Variants in XPO5 observed in about 807,000 individuals in gnomAD.
The protein encoded by XPO5 is exportin-5.
Under a neutral mutation model 160.6 loss-of-function variants are expected in XPO5, and 46 were observed. The observed-to-expected ratio is 0.29, with a 90% confidence interval of 0.23 to 0.37. XPO5 has a LOEUF of 0.37. Among genes scored for constraint, XPO5 ranks in the 10% least tolerant of loss-of-function variants. The pLI, the probability that XPO5 is intolerant of heterozygous loss-of-function variation, is 1.00. For synonymous variants in XPO5, 537 were observed against 519.3 expected (o/e 1.03, Z -0.46); for missense variants, 1,090 against 1,463.9 (o/e 0.74, Z 4.17).
At chr6:43,525,085 G>A (rs1306498981) in intron 29 of XPO5, 22 bp downstream of exon 29, 2 of 1,568,656 alleles carry the variant, frequency 1.3e-6, no homozygotes, top group East Asian at 2.4e-5. Context: ...GAGGGGCAGG[G>A]AAAAGGGGTG....
intron 1 of XPO5, 116 bp downstream of exon 1, chr6:43,575,644 A>G (rs1235056852): frequency 2.2e-6 from 2 of 900,422 alleles, no homozygotes; most frequent in Non-Finnish European, 3.4e-6. Context: ...GGGAGTTGGG[A>G]AAGGAGGTCC....
intron 20 of XPO5, among the ~76,000 whole-genome samples, chr6:43,536,760 A>T (rs1794351440): frequency 9.9e-5 from 6 of 60,726 alleles, no homozygotes; most frequent in East Asian, 1.1e-3. Context: ...ACTCTATCTA[A>T]AAAAAAAAAA....
At chr6:43,572,384 T>A in intron 3 of XPO5, 122 bp downstream of exon 3, 1 of 957,080 alleles carries the variant, frequency 1.0e-6, no homozygotes, top group Non-Finnish European at 1.6e-6. Flanking sequence ...GCCTAAATTA[T>A]GATTTCTTGT....
At chr6:43,568,647 G>A in intron 6 of XPO5, 64 bp downstream of exon 6, 4 of 1,386,098 alleles carry the variant, frequency 2.9e-6, no homozygotes, top group Non-Finnish European at 2.0e-6. Flanking sequence ...CATCCACTAG[G>A]GGCACGTATC....
chr6:43,539,166 CGG>C, intron 20 of XPO5: 1 of 1,097,932 alleles, frequency 9.1e-7, no homozygotes, highest in Non-Finnish European at 1.3e-6. Context: ...TTGCAGGGGA[CGG>C]TGTGGGGCTT....
intron 28 of XPO5, 60 bp from the exon 29 acceptor site, chr6:43,525,274 T>A: frequency 1.3e-6 from 2 of 1,489,634 alleles, no homozygotes; most frequent in Non-Finnish European, 9.1e-7. Context: ...CTCTGATGAT[T>A]ATTACACATC....
chr6:43,561,802 T>A (rs1762430750), intron 9 of XPO5: 1 of 155,444 alleles, frequency 6.4e-6, no homozygotes, highest in African/African-American at 2.4e-5. Flanking sequence ...AGACTGAGTA[T>A]TAAATATTTC....
At chr6:43,559,230 G>C (rs549589861) in intron 11 of XPO5, among the ~76,000 whole-genome samples, 30 of 152,304 alleles carry the variant, frequency 2.0e-4, no homozygotes, top group Admixed American at 2.0e-3. Flanking sequence ...CCAGGAGGCA[G>C]AGGTTGCAGT....
intron 27 of XPO5, 140 bp downstream of exon 27, chr6:43,526,545 G>T: frequency 1.1e-6 from 1 of 920,622 alleles, no homozygotes; most frequent in Non-Finnish European, 1.7e-6. Context: ...GAGGCACACA[G>T]CAAGAGGGCT....
At chr6:43,561,428 G>C (rs578169083) in intron 9 of XPO5, 112 of 158,398 alleles carry the variant, frequency 7.1e-4, no homozygotes, top group African/African-American at 2.6e-3. Context: ...GCTCAGGCTG[G>C]AGAGCAGTGG....
chr6:43,547,724 GA>G lies in XPO5; in HGVS notation c.2061-18del, dbSNP rs35360599. The G allele has an allele frequency of 1.2e-6, 2 of 1,608,542 alleles. No individual in the cohort carries two copies. Among genetic ancestry groups the G allele is most frequent in the Admixed American group, 1.7e-5 (1 of 59,946 alleles). Reference sequence around the variant, plus strand: ...GACAGCACTCTGAAGGTTGGAGGGGGAAAAACAAGTTACATCATGACTTTAA... The same window carrying G: ...GACAGCACTCTGAAGGTTGGAGGGGGAAAACAAGTTACATCATGACTTTAA... On this transcript the variant is annotated intron_variant, in intron 18 of 31. Coordinates refer to ENST00000265351, the MANE Select transcript of XPO5 (RefSeq NM_020750.3).
rs1176794982 is a variant in XPO5 at position 43,549,567 on chromosome 6, G to C, written c.1782C>G (p.Thr594=). ...GCCTCCTCACATTCCTCACTGCCCGGGTTCTGGGGGCCTGAAAAGAGACAT... is the reference window on the plus strand; with the variant it reads ...GCCTCCTCACATTCCTCACTGCCCGCGTTCTGGGGGCCTGAAAAGAGACAT... ...ETVEESKAPR[T]RAVRNVRRHA... Residue 594 remains threonine (T), a synonymous_variant, in exon 17 of 32, where the codon ACC becomes ACG. Coordinates refer to ENST00000265351, the MANE Select transcript of XPO5 (RefSeq NM_020750.3). The C allele has an allele frequency of 6.8e-6, 11 of 1,612,934 alleles. No homozygotes were observed. Among genetic ancestry groups the C allele is most frequent in the Non-Finnish European group, 9.3e-6 (11 of 1,179,592 alleles).
chr6:43,556,741 G>T (rs763249546), intron 12 of XPO5, among the ~76,000 whole-genome samples: 1 of 152,076 alleles, frequency 6.6e-6, no homozygotes, highest in Non-Finnish European at 1.5e-5. Flanking sequence ...AGCATTATTT[G>T]TAATAGCCAA....
intron 7 of XPO5, among the ~76,000 whole-genome samples, chr6:43,565,981 G>A (rs1297513248): frequency 6.6e-6 from 1 of 152,246 alleles, no homozygotes; most frequent in African/African-American, 2.4e-5. Context: ...GGCAGGCCGA[G>A]TGCGGTGGCT....
chr6:43,568,135 C>T (rs1340489164), intron 6 of XPO5, among the ~76,000 whole-genome samples: 2 of 151,350 alleles, frequency 1.3e-5, no homozygotes, highest in African/African-American at 2.4e-5. Flanking sequence ...GGTGAAACCC[C>T]GTCTCTACTA....
At chr6:43,538,948 G>A (rs944816844) in intron 20 of XPO5, 6 of 1,340,970 alleles carry the variant, frequency 4.5e-6, no homozygotes, top group African/African-American at 2.9e-5. Context: ...AGAGGTCGGG[G>A]GTCAGGTAGC....
At chr6:43,554,422 CTT>C (rs753397086) in intron 13 of XPO5, among the ~76,000 whole-genome samples, 1 of 136,806 alleles carries the variant, frequency 7.3e-6, no homozygotes. Context: ...CTTTTCTTTT[CTT>C]TTTTTTTTTT....
chr6:43,570,352 G>T, intron 5 of XPO5, 150 bp downstream of exon 5: 1 of 518,200 alleles, frequency 1.9e-6, no homozygotes, highest in Non-Finnish European at 3.0e-6. Context: ...ATGAGCTCCA[G>T]TTTTTCTGTC....
rs112153315 is a variant in XPO5, at chr6:43,541,981, T to C, written c.2342+4590A>G. The stretch of plus-strand genomic sequence containing the variant: ...TTTTAGTAGAGATGGGGTTTCACCA[T>C]GTTGGCCACACTGGTCTTGAACTCT... On this transcript the variant is annotated intron_variant, in intron 20 of 31. Transcript: ENST00000265351. Among the ~76,000 whole-genome samples the C allele has an allele frequency of 4.6e-3, 707 of 152,250 alleles. 8 individuals are homozygous for C. Among genetic ancestry groups the C allele is most frequent in the African/African-American group, 0.016 (651 of 41,516 alleles).
Sources: gnomAD v4.1 joint callset for allele counts (sites outside exome capture counted in the v4.1 genomes callset) on GRCh38, gnomAD v4.1.1 for gene constraint, MANE v1.5 for transcripts, NCBI Gene and HGNC (gene_info 2026-07-23, HGNC 2026-07-21) for gene names.